The following RCL1 variants were observed in gnomAD, a reference collection of about 807,000 sequenced individuals.
RCL1 encodes the protein RNA 3'-terminal phosphate cyclase-like protein.
Under a neutral mutation model 42.4 loss-of-function variants are expected in RCL1, and 24 were observed. The ratio of observed to expected loss-of-function variants is 0.57; its 90% CI spans 0.41 to 0.80. The LOEUF is 0.80. RCL1 is among the 30% of genes least tolerant of loss of function. The pLI, the probability that RCL1 is intolerant of heterozygous loss-of-function variation, is 0.00. For missense variants in RCL1, 578 were observed against 467.9 expected (o/e 1.24, Z -2.17); for synonymous variants, 228 against 177.3 (o/e 1.29, Z -2.27).
At chr9:4,823,664 C>A (rs370370711) in intron 2 of RCL1, 45 bp downstream of exon 2, 1 of 1,305,784 alleles carries the variant, frequency 7.7e-7, no homozygotes, top group Non-Finnish European at 1.1e-6. Flanking sequence ...TGCACTAAAG[C>A]ATTCCTGTTT....
In RCL1 at chr9:4,826,919, C is replaced by T. The variant is rs746195436; in HGVS notation, c.270C>T (p.Ser90=). The T allele has an allele frequency of 1.9e-5, 31 of 1,613,876 alleles. No individual in the cohort carries two copies. In the Admixed American group the frequency reaches 2.0e-4, roughly 10 times the overall value. Residue 90 remains serine (S), a synonymous_variant, in exon 3 of 9, where the codon AGC becomes AGT. Transcript: ENST00000381750. ...GTGGATCTGTGGAACATGACTGTAG[C>T]GTCCTTCGTGGCATTGGGTATTACC... ...LYGGSVEHDC[S]VLRGIGYYLE...
intron 1 of RCL1, among the ~76,000 whole-genome samples, chr9:4,815,736 C>T (rs1816351495): frequency 6.6e-6 from 1 of 152,020 alleles, no homozygotes; most frequent in Non-Finnish European, 1.5e-5. Flanking sequence ...GGGAGCTGGG[C>T]ACGGTGTTGA....
intron 1 of RCL1, among the ~76,000 whole-genome samples, chr9:4,809,026 C>G (rs1477641269): frequency 6.6e-6 from 1 of 151,878 alleles, no homozygotes; most frequent in Non-Finnish European, 1.5e-5. Flanking sequence ...GTCTTCCAGA[C>G]CTTTTTCTAT....
chr9:4,855,999 G>C (rs759986340), intron 8 of RCL1, among the ~76,000 whole-genome samples: 1 of 152,156 alleles, frequency 6.6e-6, no homozygotes, highest in Non-Finnish European at 1.5e-5. Context: ...GAGTGATTCA[G>C]AGTGAAGTAG....
chr9:4,794,980 C>G (rs1842890364), intron 1 of RCL1, among the ~76,000 whole-genome samples: 1 of 152,184 alleles, frequency 6.6e-6, no homozygotes, highest in South Asian at 2.1e-4. Context: ...TTGCCTTACC[C>G]CGTTCATATA....
intron 8 of RCL1, 142 bp downstream of exon 8, chr9:4,849,692 C>G (rs981957015): frequency 1.8e-5 from 11 of 622,902 alleles, no homozygotes; most frequent in Non-Finnish European, 3.1e-5. Context: ...GCAGTTGTCA[C>G]TCTTAACCTG....
At chr9:4,818,697 A>G (rs1020341152) in intron 1 of RCL1, among the ~76,000 whole-genome samples, 3 of 152,092 alleles carry the variant, frequency 2.0e-5, no homozygotes, top group African/African-American at 4.8e-5. Context: ...CCTGTCCGGC[A>G]TGGTGAAACC....
intron 8 of RCL1, chr9:4,850,237 T>TG (rs1250054253): frequency 1.8e-5 from 9 of 510,942 alleles, no homozygotes; most frequent in Non-Finnish European, 3.3e-5. Flanking sequence ...GATCATCATA[T>TG]GGCCCATCTG....
intron 8 of RCL1, among the ~76,000 whole-genome samples, 167 bp downstream of exon 8, chr9:4,849,717 A>G (rs937951646): frequency 3.9e-5 from 6 of 152,234 alleles, no homozygotes; most frequent in Non-Finnish European, 2.9e-5. Flanking sequence ...TTATTTTTAC[A>G]TACAAGGATT....
intron 1 of RCL1, among the ~76,000 whole-genome samples, chr9:4,814,823 T>G (rs1260167558): frequency 6.6e-6 from 1 of 152,210 alleles, no homozygotes; most frequent in Non-Finnish European, 1.5e-5. Flanking sequence ...AGTAATGAAT[T>G]TCCTCAGTTT....
chr9:4,793,887 C>A (rs1193450448), intron 1 of RCL1, among the ~76,000 whole-genome samples: 3 of 152,172 alleles, frequency 2.0e-5, no homozygotes, highest in Non-Finnish European at 2.9e-5. Flanking sequence ...GAAAAGGGGT[C>A]GGTGACAATC....
intron 1 of RCL1, among the ~76,000 whole-genome samples, chr9:4,813,889 G>T (rs1816272386): frequency 6.6e-6 from 1 of 152,130 alleles, no homozygotes; most frequent in Admixed American, 6.5e-5. Flanking sequence ...TCCTTTGTAG[G>T]GACATGGATA....
chr9:4,805,844 C>G (rs996893362), intron 1 of RCL1, among the ~76,000 whole-genome samples: 38 of 152,130 alleles, frequency 2.5e-4, no homozygotes, highest in African/African-American at 9.2e-4. Flanking sequence ...CTGGGGAACT[C>G]AGAGTCTTTA....
At position 4,860,115 on chromosome 9, in the gene RCL1, T is replaced by C. The variant is rs1331154847; in HGVS notation, c.972-10T>C. On this transcript the variant is annotated splice_polypyrimidine_tract_variant and intron_variant, in intron 8 of 8. Transcript: ENST00000381750. ...CTTTTTATTTATTTATTTATTTTTT[T>C]CCTTTTTAGGATAGAATTTTTGCGG... 1 of 1,521,058 alleles carries C rather than the reference T, an allele frequency of 6.6e-7. No homozygotes were observed. The highest frequency in any genetic ancestry group is 2.2e-5 in the Admixed American group (1 of 45,460). 94.2% of individuals were successfully genotyped at this position (1,521,058 alleles called of 1,614,324 possible).
chr9:4,805,631 G>A (rs1423322843), intron 1 of RCL1, among the ~76,000 whole-genome samples: 1 of 152,168 alleles, frequency 6.6e-6, no homozygotes, highest in African/African-American at 2.4e-5. Context: ...TCATGCTATG[G>A]GCACAGGGAC....
rs771030264 is a variant in RCL1, at chr9:4,833,168, G to A, written c.399G>A (p.Lys133=). The change falls in exon 4 of 9, where the codon AAG becomes AAA. Residue 133 remains lysine (K), a synonymous_variant. Transcript: ENST00000381750. ...DQVDPSVDVL[K]ATALPLLKQF... ...TAATTTCATAGGTTGATGTTCTTAA[G>A]GCAACAGCACTCCCTTTGTTGAAAC... The A allele has an allele frequency of 6.2e-7, 1 of 1,611,172 alleles. No individual in the cohort carries two copies. Among genetic ancestry groups the A allele is most frequent in the Non-Finnish European group, 8.5e-7 (1 of 1,177,306 alleles).
At chr9:4,852,343 A>T (rs1327747710) in intron 8 of RCL1, among the ~76,000 whole-genome samples, 1 of 152,210 alleles carries the variant, frequency 6.6e-6, no homozygotes, top group Non-Finnish European at 1.5e-5. Context: ...CAACAAGCTT[A>T]ATTTTACAGT....
At chr9:4,858,841 T>C (rs1218729576) in intron 8 of RCL1, among the ~76,000 whole-genome samples, 2 of 152,224 alleles carry the variant, frequency 1.3e-5, no homozygotes, top group Non-Finnish European at 2.9e-5. Flanking sequence ...ACTATAGATG[T>C]GCAAGCCATC....
chr9:4,804,163 T>TG (rs1843055109), intron 1 of RCL1: 1 of 152,752 alleles, frequency 6.5e-6, no homozygotes, highest in Admixed American at 6.5e-5. Flanking sequence ...GAAGTTGGGC[T>TG]GGGTGGCACA....
Sources: allele counts gnomAD v4.1 joint callset (sites outside exome capture counted in the v4.1 genomes callset), GRCh38; gene constraint gnomAD v4.1.1; transcripts MANE v1.5; gene names NCBI Gene and HGNC (gene_info 2026-07-23, HGNC 2026-07-21).